Variants in PTPRN2 observed in about 807,000 individuals in gnomAD.
PTPRN2 encodes receptor-type tyrosine-protein phosphatase N2.
A neutral mutation model predicts 118.8 loss-of-function variants in PTPRN2; 74 were observed. That is an observed-to-expected ratio of 0.62 (90% CI 0.52 to 0.76). PTPRN2 has a LOEUF of 0.76. Among genes scored for constraint, PTPRN2 ranks in the 30% least tolerant of loss-of-function variants. The pLI, the probability that PTPRN2 is intolerant of heterozygous loss-of-function variation, is 0.00. For missense variants in PTPRN2, 1,481 were observed against 1,394.4 expected (o/e 1.06, Z -0.99); for synonymous variants, 641 against 608.0 (o/e 1.05, Z -0.80).
chr7:158,388,698 G>T (rs760550923), intron 2 of PTPRN2, among the ~76,000 whole-genome samples: 1 of 152,034 alleles, frequency 6.6e-6, no homozygotes, highest in Non-Finnish European at 1.5e-5. Context: ...CCCAAGAGTT[G>T]GGGGGGCCTG....
In PTPRN2 at chr7:157,814,823, C is replaced by A. The variant is rs140111437; in HGVS notation, c.1788+83850G>T. Among the ~76,000 whole-genome samples, 74 of 152,306 alleles carry A rather than the reference C, an allele frequency of 4.9e-4. No homozygotes were observed. In the East Asian group the frequency reaches 0.014, roughly 29 times the overall value. On this transcript the variant is annotated intron_variant, in intron 12 of 22. Coordinates refer to ENST00000389418, the MANE Select transcript of PTPRN2 (RefSeq NM_002847.5). ...TTTGAATTGGCTTCTTGTCACAGAGCAGCTTTGCAGGCAGCCTGTTTCAGG... is the reference window on the plus strand; with the variant it reads ...TTTGAATTGGCTTCTTGTCACAGAGAAGCTTTGCAGGCAGCCTGTTTCAGG...
At chr7:157,546,268 T>C (rs551363133) in intron 22 of PTPRN2, among the ~76,000 whole-genome samples, 1 of 152,236 alleles carries the variant, frequency 6.6e-6, no homozygotes, top group East Asian at 1.9e-4. Flanking sequence ...ATCATCTTGC[T>C]ATTTATTTAT....
chr7:158,192,776 A>T (rs1338370624), intron 4 of PTPRN2, among the ~76,000 whole-genome samples: 1 of 152,152 alleles, frequency 6.6e-6, no homozygotes, highest in African/African-American at 2.4e-5. Flanking sequence ...TACATGGGAA[A>T]CAAGGGGAGG....
intron 20 of PTPRN2, 104 bp from the exon 21 acceptor site, chr7:157,569,070 C>A: frequency 2.7e-6 from 3 of 1,125,640 alleles, no homozygotes; most frequent in Non-Finnish European, 4.0e-6. Context: ...CGGGGGCCGG[C>A]GAGAGGAAAG....
In PTPRN2 at chr7:157,585,632, C is replaced by T. The variant is rs953118727; in HGVS notation, c.2497-7492G>A. 2.0e-5 allele frequency among the ~76,000 whole-genome samples: 3 copies of T among 152,238 alleles called. No homozygotes were observed. The highest frequency in any genetic ancestry group is 4.8e-5 in the African/African-American group (2 of 41,462). On this transcript the variant is annotated intron_variant, in intron 17 of 22. Coordinates refer to ENST00000389418, the MANE Select transcript of PTPRN2 (RefSeq NM_002847.5). The surrounding 1 kb of genome is among the most constrained non-coding windows in gnomAD (Gnocchi z 5.2). ...GTGCTCACGTTCCCGGTTAAATATG[C>T]GCCTGGTCTCCTTGCGGGGAGCTGC... is the stretch of plus-strand genomic sequence containing the variant.
intron 12 of PTPRN2, among the ~76,000 whole-genome samples, chr7:157,796,585 C>T (rs940575698): frequency 6.6e-6 from 1 of 152,202 alleles, no homozygotes; most frequent in Admixed American, 6.5e-5. Flanking sequence ...GGTATTAGTC[C>T]ATTCTCCATG....
chr7:157,621,610 A>G (rs1176837911), intron 14 of PTPRN2, 101 bp from the exon 15 acceptor site: 5 of 1,448,416 alleles, frequency 3.5e-6, no homozygotes, highest in Non-Finnish European at 3.8e-6. Flanking sequence ...CGCGTGGGCC[A>G]TGCCCACCTT....
chr7:158,000,523 T>C (rs1805142388), intron 11 of PTPRN2, among the ~76,000 whole-genome samples: 2 of 149,098 alleles, frequency 1.3e-5, no homozygotes, highest in South Asian at 4.3e-4. Flanking sequence ...GGAAGCTGCC[T>C]GACATTTCGG....
chr7:157,989,628 C>T (rs1804092656), intron 11 of PTPRN2, among the ~76,000 whole-genome samples: 1 of 151,432 alleles, frequency 6.6e-6, no homozygotes, highest in South Asian at 2.1e-4. Context: ...GGGGTGGGTG[C>T]CTTCGTGGCT....
chr7:157,742,986 G>A (rs1800719590), intron 12 of PTPRN2, among the ~76,000 whole-genome samples: 2 of 152,216 alleles, frequency 1.3e-5, no homozygotes, highest in Admixed American at 6.5e-5. Flanking sequence ...CCAACCCAAT[G>A]CTCTGTGCTA....
rs1408730549 is a variant in PTPRN2 at position 157,990,345 on chromosome 7, T to A, written c.1723+90953A>T. Among the ~76,000 whole-genome samples the A allele has an allele frequency of 6.6e-6, 1 of 151,878 alleles. No individual in the cohort carries two copies. The highest frequency in any genetic ancestry group is 2.4e-5 in the African/African-American group (1 of 41,334). ...CACAGAGGGGAGGGACGGGGACAGG[T>A]GCAGCAGAGATTGGGCACGGGCCAG... On this transcript the variant is annotated intron_variant, in intron 11 of 22. Transcript: ENST00000389418. The surrounding 1 kb of genome is among the most constrained non-coding windows in gnomAD (Gnocchi z 4.3).
chr7:157,715,472 G>A (rs527485655), intron 12 of PTPRN2, among the ~76,000 whole-genome samples: 9 of 152,364 alleles, frequency 5.9e-5, no homozygotes, highest in African/African-American at 2.2e-4. Context: ...CCCCGGTTCT[G>A]CTTGGCGCTG....
At chr7:157,554,361 G>A (rs920382050) in intron 21 of PTPRN2, among the ~76,000 whole-genome samples, 4 of 136,998 alleles carry the variant, frequency 2.9e-5, no homozygotes, top group Non-Finnish European at 6.3e-5. Flanking sequence ...CAGGCCGGGC[G>A]CTGGATCCTG....
intron 13 of PTPRN2, among the ~76,000 whole-genome samples, chr7:157,665,935 G>A (rs1420837255): frequency 6.6e-6 from 1 of 152,176 alleles, no homozygotes; most frequent in Non-Finnish European, 1.5e-5. Context: ...AGTGAACAAT[G>A]AGAACACTTG....
chr7:158,475,757 G>C (rs1246630519), intron 2 of PTPRN2, among the ~76,000 whole-genome samples: 2 of 152,162 alleles, frequency 1.3e-5, no homozygotes, highest in Admixed American at 1.3e-4. Flanking sequence ...CACACCTGGA[G>C]ACCGTCTTGG....
At chr7:157,857,777 C>T (rs11769878) in intron 12 of PTPRN2, 46,732 of 152,234 alleles carry the variant, frequency 0.31, 7,658 homozygotes, top group African/African-American at 0.42. Context: ...AGCACCTCTT[C>T]GTGCAAGCGC....
chr7:158,332,680 C>T (rs1335039089), intron 2 of PTPRN2, among the ~76,000 whole-genome samples: 13 of 148,664 alleles, frequency 8.7e-5, no homozygotes, highest in Non-Finnish European at 3.0e-5. Context: ...CTCACACCCA[C>T]ACTCTAACCA....
intron 11 of PTPRN2, among the ~76,000 whole-genome samples, chr7:157,919,509 G>A (rs1798586643): frequency 6.6e-6 from 1 of 151,752 alleles, no homozygotes; most frequent in African/African-American, 2.4e-5. Flanking sequence ...AAAGTAAATA[G>A]GTAACAAAAA....
intron 10 of PTPRN2, among the ~76,000 whole-genome samples, chr7:158,105,030 C>T (rs569007491): frequency 6.6e-6 from 1 of 150,694 alleles, no homozygotes; most frequent in South Asian, 2.1e-4. Flanking sequence ...ATCCCAGCTC[C>T]ACTCTCAGCT....
Sources: gnomAD v4.1 joint callset for allele counts (sites outside exome capture counted in the v4.1 genomes callset) on GRCh38, gnomAD v4.1.1 for gene constraint, Gnocchi (gnomAD v3.1) non-coding constraint, MANE v1.5 for transcripts, NCBI Gene and HGNC (gene_info 2026-07-23, HGNC 2026-07-21) for gene names.